The following ACTN4 variants were observed in gnomAD, a reference collection of about 807,000 sequenced individuals.
ACTN4 encodes alpha-actinin-4.
ACTN4 carries 18 observed loss-of-function variants against 114.2 expected under a neutral mutation model. The observed-to-expected ratio is 0.16, with a 90% CI of 0.11 to 0.23. The LOEUF is 0.23. Ranked by LOEUF, ACTN4 falls within the 10% of genes least tolerant of loss-of-function variation. The pLI, the probability that ACTN4 is intolerant of heterozygous loss-of-function variation, is 1.00. For synonymous variants in ACTN4, 515 were observed against 506.3 expected (o/e 1.02, Z -0.23); for missense variants, 722 against 1,262.9 (o/e 0.57, Z 6.49).
intron 9 of ACTN4, among the ~76,000 whole-genome samples, chr19:38,715,086 C>G (rs1335413305): frequency 6.6e-6 from 1 of 152,156 alleles, no homozygotes; most frequent in Non-Finnish European, 1.5e-5. Flanking sequence ...GGACAGAGAG[C>G]TGGGCTTCAC....
chr19:38,681,686 C>G (rs1407441947), intron 1 of ACTN4, among the ~76,000 whole-genome samples: 1 of 152,226 alleles, frequency 6.6e-6, no homozygotes, highest in Non-Finnish European at 1.5e-5. Flanking sequence ...CAGTGTCCCT[C>G]TCTGACCGAG....
intron 1 of ACTN4, among the ~76,000 whole-genome samples, chr19:38,682,273 C>G (rs1448303071): frequency 6.6e-6 from 1 of 152,134 alleles, no homozygotes; most frequent in Non-Finnish European, 1.5e-5. Flanking sequence ...CTTCTGGCCT[C>G]AAGTGATCTG....
At chr19:38,689,834 C>A (rs140435736) in intron 1 of ACTN4, among the ~76,000 whole-genome samples, 1 of 152,088 alleles carries the variant, frequency 6.6e-6, no homozygotes, top group African/African-American at 2.4e-5. Flanking sequence ...CCACCATGCC[C>A]GGCTACTTTT....
intron 17 of ACTN4, 132 bp from the exon 18 acceptor site, chr19:38,726,825 C>A (rs907325316): frequency 2.9e-6 from 4 of 1,365,400 alleles, no homozygotes; most frequent in East Asian, 2.5e-5. Flanking sequence ...TGGCCCGTGT[C>A]CCCTGTGAGG....
intron 9 of ACTN4, 69 bp downstream of exon 9, chr19:38,714,630 C>A (rs558551791): frequency 6.6e-7 from 1 of 1,509,426 alleles, no homozygotes; most frequent in Non-Finnish European, 9.2e-7. Context: ...GTGACTCTTG[C>A]AGGGGGAAAG....
In ACTN4 at chr19:38,717,843, C is replaced by T; in HGVS notation, c.1144-84C>T. Reference sequence around the variant, plus strand: ...CATGACCCCAGCCAAGTTCTGCCACCTTCCCATCAGCATCCCTTGGAGACA... The same window carrying T: ...CATGACCCCAGCCAAGTTCTGCCACTTTCCCATCAGCATCCCTTGGAGACA... On this transcript the variant is annotated intron_variant, in intron 10 of 20. Coordinates refer to ENST00000252699, the MANE Select transcript of ACTN4 (RefSeq NM_004924.6). This position sits in a 1 kb window ranked among gnomAD's most constrained non-coding sequence, Gnocchi z 4.0. 1 of 1,535,160 alleles carries T rather than the reference C, an allele frequency of 6.5e-7. No homozygotes were observed.
intron 9 of ACTN4, among the ~76,000 whole-genome samples, chr19:38,716,394 T>G (rs1968841303): frequency 6.6e-6 from 1 of 152,252 alleles, no homozygotes; most frequent in African/African-American, 2.4e-5. Context: ...TTGAGGCACT[T>G]AGTGAGCCCA....
intron 1 of ACTN4, among the ~76,000 whole-genome samples, chr19:38,672,241 T>TG (rs1967151929): frequency 6.8e-6 from 1 of 147,046 alleles, no homozygotes; most frequent in South Asian, 2.2e-4. Flanking sequence ...TGTGGTTCTT[T>TG]TTTTTTTTTT....
intron 1 of ACTN4, among the ~76,000 whole-genome samples, chr19:38,675,197 G>C (rs8100595): frequency 6.6e-6 from 1 of 152,208 alleles, no homozygotes. Flanking sequence ...TTTGAAATCG[G>C]AGGTCTGAAA....
At chr19:38,658,581 T>A (rs1976779000) in intron 1 of ACTN4, among the ~76,000 whole-genome samples, 1 of 152,246 alleles carries the variant, frequency 6.6e-6, no homozygotes, top group Non-Finnish European at 1.5e-5. Context: ...TGGCTGTTAC[T>A]GGTATGCCTT....
chr19:38,667,815 A>G (rs1446544881), intron 1 of ACTN4, among the ~76,000 whole-genome samples: 2 of 152,182 alleles, frequency 1.3e-5, no homozygotes, highest in East Asian at 1.9e-4. Context: ...GCGTCCCTGA[A>G]AAAAGGACAA....
intron 1 of ACTN4, among the ~76,000 whole-genome samples, chr19:38,688,115 A>G (rs1158328135): frequency 3.3e-5 from 5 of 152,142 alleles, no homozygotes; most frequent in African/African-American, 1.2e-4. Flanking sequence ...GGCAAATCAA[A>G]ACCATAACGT....
intron 1 of ACTN4, among the ~76,000 whole-genome samples, chr19:38,655,057 T>A (rs1976674756): frequency 6.6e-6 from 1 of 152,158 alleles, no homozygotes; most frequent in African/African-American, 2.4e-5. Flanking sequence ...CCTGTGCTTA[T>A]CCCCTTCCTT....
rs8182572 is a variant in ACTN4 at position 38,673,548 on chromosome 19, T to C, written c.162+25641T>C. Among the ~76,000 whole-genome samples, 468 of 60,794 alleles carry C rather than the reference T, an allele frequency of 7.7e-3. 1 individual carries two copies. The highest frequency in any genetic ancestry group is 0.013 in the East Asian group (28 of 2,150). 39.9% of individuals were successfully genotyped at this position (60,794 alleles called of 152,430 possible). On this transcript the variant is annotated intron_variant, in intron 1 of 20. Transcript: ENST00000252699. Reference sequence around the variant, plus strand: ...ATATTCATATATACTTATATATATTTATATATACTTATATATATTTATATA... The same window carrying C: ...ATATTCATATATACTTATATATATTCATATATACTTATATATATTTATATA...
chr19:38,675,876 C>G (rs1355230442), intron 1 of ACTN4, among the ~76,000 whole-genome samples: 1 of 152,220 alleles, frequency 6.6e-6, no homozygotes, highest in Non-Finnish European at 1.5e-5. Context: ...TGCTGAGAGG[C>G]TGCCCGCAGC....
chr19:38,676,620 A>T (rs889568515), intron 1 of ACTN4, among the ~76,000 whole-genome samples: 2 of 152,126 alleles, frequency 1.3e-5, no homozygotes, highest in African/African-American at 4.8e-5. Flanking sequence ...CTGGGGCCGG[A>T]TGTGGAAGGT....
chr19:38,671,599 T>G (rs1282088820), intron 1 of ACTN4, among the ~76,000 whole-genome samples: 7 of 152,082 alleles, frequency 4.6e-5, no homozygotes, highest in African/African-American at 1.7e-4. Flanking sequence ...GATAGGAGAG[T>G]TGATGGATTT....
At position 38,731,031 on chromosome 19, in the gene ACTN4, G is replaced by T. The variant is rs1314660946; in HGVS notation, c.*1599G>T. The T allele has an allele frequency of 6.4e-7, 1 of 1,555,656 alleles. No individual in the cohort carries two copies. Among genetic ancestry groups the T allele is most frequent in the South Asian group, 1.2e-5 (1 of 84,500 alleles). ...GGTGCTGGCTGCAGTGGCCTGTGCA[G>T]AGAGGGGCAGGGTGAGTGCCCACCA... On this transcript the variant is annotated 3_prime_UTR_variant, in exon 21 of 21. Transcript: ENST00000252699.
Position 38,709,493 on chromosome 19 carries a change from G to A in ACTN4, c.733+17G>A. 2 of 1,607,308 alleles carry A rather than the reference G, an allele frequency of 1.2e-6. No homozygotes were observed. Among genetic ancestry groups the A allele is most frequent in the Non-Finnish European group, 1.7e-6 (2 of 1,173,754 alleles). The stretch of plus-strand genomic sequence containing the variant: ...ATGCAGAGGGTAAGTCATCTCTTCT[G>A]TTCAGCCACCACTGTGCTTCCTGAT... On this transcript the variant is annotated intron_variant, in intron 7 of 20. Transcript: ENST00000252699.
Sources: gnomAD v4.1 joint callset for allele counts (sites outside exome capture counted in the v4.1 genomes callset) on GRCh38, gnomAD v4.1.1 for gene constraint, Gnocchi (gnomAD v3.1) non-coding constraint, MANE v1.5 for transcripts, NCBI Gene and HGNC (gene_info 2026-07-23, HGNC 2026-07-21) for gene names.